Variants in DTNBP1 observed in about 807,000 individuals in gnomAD.
The protein encoded by DTNBP1 is dysbindin.
Under a neutral mutation model 42.8 loss-of-function variants are expected in DTNBP1, and 35 were observed. The ratio of observed to expected loss-of-function variants is 0.82; its 90% CI spans 0.63 to 1.09. DTNBP1 has a LOEUF of 1.09. Among genes scored for constraint, DTNBP1 ranks in the 50% least tolerant of loss-of-function variants. DTNBP1 has a pLI of 0.00. For synonymous variants in DTNBP1, 171 were observed against 162.2 expected, an observed-to-expected ratio of 1.05 and a Z score of -0.41; for missense variants, 457 against 424.2, an observed-to-expected ratio of 1.08 and a Z score of -0.68.
At chr6:15,604,271 T>C (rs1311185882) in intron 6 of DTNBP1, among the ~76,000 whole-genome samples, 1 of 152,198 alleles carries the variant, frequency 6.6e-6, no homozygotes, top group East Asian at 1.9e-4. Context: ...GATGCAGAAG[T>C]CTGCTCCCTT....
chr6:15,573,918 G>A (rs1330871685), intron 7 of DTNBP1, among the ~76,000 whole-genome samples: 5 of 152,102 alleles, frequency 3.3e-5, no homozygotes, highest in African/African-American at 1.2e-4. Flanking sequence ...TCTTGGCCAC[G>A]CTGGTCTTCA....
Position 15,587,015 on chromosome 6 carries a change from T to C in DTNBP1, c.511+6044A>G, listed in dbSNP as rs1776107441. Among the ~76,000 whole-genome samples, 1 of 152,160 alleles carries C rather than the reference T, an allele frequency of 6.6e-6. No individual in the cohort carries two copies. ...TCTGCCCTGTTGTTTGTGGGCAACG[T>C]CATCCAAACCCCGGGCTTCCATTCC... On this transcript the variant is annotated intron_variant, in intron 7 of 9. Coordinates refer to ENST00000344537, the MANE Select transcript of DTNBP1 (RefSeq NM_032122.5). The surrounding 1 kb of genome is among the most constrained non-coding windows in gnomAD (Gnocchi z 4.1).
intron 9 of DTNBP1, chr6:15,523,987 C>G (rs1368598049): frequency 3.1e-6 from 4 of 1,287,922 alleles, no homozygotes; most frequent in Non-Finnish European, 4.0e-6. Flanking sequence ...AGCCCAGGTA[C>G]AGGTCTGGCA....
chr6:15,532,856 C>T (rs772249175), intron 8 of DTNBP1, among the ~76,000 whole-genome samples: 13 of 151,682 alleles, frequency 8.6e-5, no homozygotes, highest in African/African-American at 2.7e-4. Context: ...CGCGCCACCA[C>T]GGCCGGCTAA....
chr6:15,637,219 A>G (rs1300909920), intron 4 of DTNBP1, among the ~76,000 whole-genome samples: 1 of 152,204 alleles, frequency 6.6e-6, no homozygotes, highest in African/African-American at 2.4e-5. Context: ...GGCTATGTAC[A>G]TTTACCAAGT....
intron 6 of DTNBP1, among the ~76,000 whole-genome samples, chr6:15,606,484 T>C (rs1758061958): frequency 6.6e-6 from 1 of 152,192 alleles, no homozygotes; most frequent in Non-Finnish European, 1.5e-5. Context: ...AATAGTCTGA[T>C]GACTTAATGC....
At chr6:15,656,974 G>A (rs1298398447) in intron 1 of DTNBP1, among the ~76,000 whole-genome samples, 1 of 152,022 alleles carries the variant, frequency 6.6e-6, no homozygotes, top group Non-Finnish European at 1.5e-5. Flanking sequence ...TTGTCATAAG[G>A]CACATCCAAT....
At chr6:15,605,199 T>C (rs902896350) in intron 6 of DTNBP1, among the ~76,000 whole-genome samples, 8 of 152,198 alleles carry the variant, frequency 5.3e-5, no homozygotes, top group Non-Finnish European at 4.4e-5. Context: ...TACACACTTA[T>C]GGATGATTTC....
chr6:15,609,404 C>T (rs1010215751), intron 6 of DTNBP1, among the ~76,000 whole-genome samples: 3 of 152,122 alleles, frequency 2.0e-5, no homozygotes, highest in African/African-American at 7.2e-5. Context: ...ACTGCAACCT[C>T]CGCCTCCCGG....
At chr6:15,525,240 C>T (rs1254163257) in intron 8 of DTNBP1, among the ~76,000 whole-genome samples, 1 of 152,236 alleles carries the variant, frequency 6.6e-6, no homozygotes, top group East Asian at 1.9e-4. Flanking sequence ...ACGGCGACCC[C>T]ATGAAACAGC....
At chr6:15,534,174 A>C (rs1194410687) in intron 7 of DTNBP1, among the ~76,000 whole-genome samples, 2 of 152,136 alleles carry the variant, frequency 1.3e-5, no homozygotes, top group Admixed American at 6.5e-5. Context: ...GGCTGGGGAG[A>C]GGGCGTGGGA....
chr6:15,637,460 C>T (rs1760099158), intron 4 of DTNBP1, among the ~76,000 whole-genome samples: 1 of 152,098 alleles, frequency 6.6e-6, no homozygotes. Context: ...ATTGCAAATT[C>T]ATCAGACTAA....
At chr6:15,592,999 G>T in intron 7 of DTNBP1, 60 bp downstream of exon 7, 1 of 1,448,392 alleles carries the variant, frequency 6.9e-7, no homozygotes, top group South Asian at 1.3e-5. Context: ...ATTGTCGAGA[G>T]AACATCTGAT....
intron 6 of DTNBP1, 172 bp downstream of exon 6, chr6:15,615,095 A>G: frequency 1.1e-6 from 1 of 947,894 alleles, no homozygotes; most frequent in Non-Finnish European, 1.7e-6. Context: ...ACTCATCTCC[A>G]AAAGATGGCA....
At chr6:15,602,184 C>G (rs1013523047) in intron 6 of DTNBP1, among the ~76,000 whole-genome samples, 2 of 151,922 alleles carry the variant, frequency 1.3e-5, no homozygotes, top group African/African-American at 4.8e-5. Flanking sequence ...GAATGAAAGA[C>G]TAGTAATAGT....
chr6:15,535,223 C>G (rs1330904741), intron 7 of DTNBP1, among the ~76,000 whole-genome samples: 1 of 152,094 alleles, frequency 6.6e-6, no homozygotes, highest in African/African-American at 2.4e-5. Context: ...TGTGAAGGAG[C>G]CTGCTTCCCC....
chr6:15,548,464 C>CAT (rs961212240), intron 7 of DTNBP1: 1 of 151,878 alleles, frequency 6.6e-6, no homozygotes, highest in Non-Finnish European at 1.5e-5. Flanking sequence ...CACACACACA[C>CAT]ACACACACAC....
At chr6:15,589,845 G>A (rs1174109260) in intron 7 of DTNBP1, among the ~76,000 whole-genome samples, 3 of 151,982 alleles carry the variant, frequency 2.0e-5, no homozygotes, top group South Asian at 2.1e-4. Context: ...ACTTTGACCC[G>A]GATCCCATCT....
chr6:15,651,354 T>C lies in DTNBP1; in HGVS notation c.120A>G (p.Pro40=), dbSNP rs767913607. The C allele has an allele frequency of 4.3e-6, 7 of 1,610,198 alleles. No homozygotes were observed. In the Middle Eastern group the frequency reaches 6.4e-4, roughly 147 times the overall value. The change falls in exon 3 of 10, where the codon CCA becomes CCG. Residue 40 remains proline (P), a synonymous_variant. Transcript: ENST00000344537. ...ATCCAGCAGAGTACTTTGGCAAAAA[T>C]GGAACAGTCCTGCCCAAAAGAAACA... ...AKVKSKPRTV[P]FLPKYSAGLE...
Sources: allele counts gnomAD v4.1 joint callset (sites outside exome capture counted in the v4.1 genomes callset), GRCh38; gene constraint gnomAD v4.1.1; non-coding constraint Gnocchi (gnomAD v3.1); transcripts MANE v1.5; gene names NCBI Gene and HGNC (gene_info 2026-07-23, HGNC 2026-07-21).